The following ZMYM6 variants were observed in gnomAD, a reference collection of about 807,000 sequenced individuals.
ZMYM6 encodes the protein zinc finger MYM-type protein 6.
In ZMYM6, 90 loss-of-function variants were observed where a neutral mutation model predicts 134.0. That is an observed-to-expected ratio of 0.67 (90% CI 0.57 to 0.80). The LOEUF (loss-of-function observed/expected upper bound fraction) is 0.80, where lower values mean the gene tolerates loss of function less well. ZMYM6 is among the 30% of genes least tolerant of loss of function. The pLI is 0.00. For missense variants in ZMYM6, 1,362 were observed against 1,533.9 expected, an observed-to-expected ratio of 0.89 and a Z score of 1.87; for synonymous variants, 481 against 524.1, an observed-to-expected ratio of 0.92 and a Z score of 1.12.
chr1:35,013,694 G>A (rs71648001), intron 6 of ZMYM6: 151,561 of 977,742 alleles, frequency 0.16, 12,608 homozygotes, highest in Non-Finnish European at 0.17. Flanking sequence ...TTTTTTTTTT[G>A]TTTGTTTGTT....
At chr1:35,020,548 T>C in intron 2 of ZMYM6, 81 bp from the exon 3 acceptor site, 2 of 897,616 alleles carry the variant, frequency 2.2e-6, no homozygotes, top group Non-Finnish European at 3.0e-6. Context: ...AAAAAAAAAT[T>C]ATTCTATCCT....
At chr1:35,028,438 G>A (rs12022447) in intron 2 of ZMYM6, among the ~76,000 whole-genome samples, 151,251 of 152,302 alleles carry the variant, frequency 0.99, 75,110 homozygotes, top group East Asian at 1. Flanking sequence ...AGTGTAAAGC[G>A]AAAGAACTGT....
At chr1:35,030,096 C>A in intron 2 of ZMYM6, 1 of 153,986 alleles carries the variant, frequency 6.5e-6, no homozygotes, top group Non-Finnish European at 1.4e-5. Flanking sequence ...ACTTTCCTTC[C>A]ACACACAAAA....
chr1:35,029,512 T>C (rs1163931682), intron 2 of ZMYM6, among the ~76,000 whole-genome samples: 1 of 152,224 alleles, frequency 6.6e-6, no homozygotes, highest in African/African-American at 2.4e-5. Context: ...ATGTCACATA[T>C]GATTATGATA....
intron 14 of ZMYM6, among the ~76,000 whole-genome samples, chr1:34,995,395 T>TAC (rs144736115): frequency 3.6e-4 from 55 of 150,756 alleles, no homozygotes; most frequent in South Asian, 6.3e-4. Flanking sequence ...TATATATATA[T>TAC]ACACACACAC....
chr1:35,010,587 A>C lies in ZMYM6; in HGVS notation c.1352T>G (p.Phe451Cys). The C allele has an allele frequency of 1.2e-6, 2 of 1,611,526 alleles. No homozygotes were observed. The highest frequency in any genetic ancestry group is 1.1e-5 in the South Asian group (1 of 90,406). The stretch of plus-strand genomic sequence containing the variant: ...AGAGCAATTCTTGCCACAAAACAGA[A>C]ACATTTTACCCTGCAGAGAAACAAC... Reference protein sequence around the residue: ...PELLFYKGKMFLFCGKNCSDE... With the variant: ...PELLFYKGKMCLFCGKNCSDE... The change falls in exon 10 of 16, where the codon TTT (phenylalanine) becomes TGT (cysteine). Residue 451 changes from phenylalanine to cysteine, a missense_variant. Physicochemically the swap from Phe to Cys is radical, Grantham distance 205. This residue lies in a region of ZMYM6 where 35 missense variants were observed against 72.2 expected (regional missense o/e 0.48). Transcript: ENST00000357182.
chr1:35,016,000 T>C (rs980163366), intron 4 of ZMYM6, among the ~76,000 whole-genome samples: 6 of 145,418 alleles, frequency 4.1e-5, no homozygotes, highest in African/African-American at 1.0e-4. Context: ...CAGGCTGGAG[T>C]GCAGTGTCAC....
At chr1:34,988,959 G>C (rs1475154278) in intron 15 of ZMYM6, 24 bp from the exon 16 acceptor site, 3 of 1,591,078 alleles carry the variant, frequency 1.9e-6, no homozygotes, top group Non-Finnish European at 2.6e-6. Context: ...TTGAATCACT[G>C]TTATTTTCAA....
intron 6 of ZMYM6, chr1:35,013,121 T>C (rs914407859): frequency 3.5e-6 from 3 of 867,952 alleles, no homozygotes; most frequent in Non-Finnish European, 4.1e-6. Flanking sequence ...ATAGCTACCA[T>C]TTACATAACC....
rs759482028 is a variant in ZMYM6 at position 35,010,505 on chromosome 1, C to T, written c.1434G>A (p.Gln478=). 6.2e-7 allele frequency: 1 copy of T among 1,614,078 alleles called. No homozygotes were observed. Among genetic ancestry groups the T allele is most frequent in the Admixed American group, 1.7e-5 (1 of 59,972 alleles). ...ATCGCACAGTCTCCTTTATAATTTT[C>T]TGCAGTTTACAGTAGTCACACATTG... ...VVAMCDYCKL[Q]KIIKETVRFS... is the part of the protein sequence containing the mutation. The change falls in exon 10 of 16, where the codon CAG becomes CAA. Residue 478 remains glutamine, a synonymous_variant. Coordinates refer to ENST00000357182, the MANE Select transcript of ZMYM6 (RefSeq NM_007167.4).
In ZMYM6 at chr1:35,003,956, A is replaced by G; in HGVS notation, c.1992+12T>C. 3.1e-6 allele frequency: 5 copies of G among 1,610,696 alleles called. No individual in the cohort carries two copies. The highest frequency in any genetic ancestry group is 3.4e-6 in the Non-Finnish European group (4 of 1,177,620). On this transcript the variant is annotated intron_variant, in intron 14 of 15. Coordinates refer to ENST00000357182, the MANE Select transcript of ZMYM6 (RefSeq NM_007167.4). ...TGGCATTATCAAGAAAAGTATTAAC[A>G]ATTAAACTCACATCTTGAATGATCT...
intron 2 of ZMYM6, among the ~76,000 whole-genome samples, chr1:35,028,080 G>A (rs1428982245): frequency 6.6e-6 from 1 of 151,992 alleles, no homozygotes; most frequent in African/African-American, 2.4e-5. Flanking sequence ...TTGAGAAGCC[G>A]AGGTGGGCAG....
chr1:35,009,486 G>A (rs891070398), intron 10 of ZMYM6, among the ~76,000 whole-genome samples: 7 of 152,178 alleles, frequency 4.6e-5, no homozygotes, highest in African/African-American at 1.7e-4. Context: ...AAGCCAAGAA[G>A]CAGCAACTGT....
chr1:35,011,793 T>C, intron 8 of ZMYM6, 97 bp downstream of exon 8: 1 of 864,718 alleles, frequency 1.2e-6, no homozygotes, highest in Non-Finnish European at 1.6e-6. Context: ...TAATTCAAAT[T>C]TAAACTTTCA....
In ZMYM6 at chr1:34,995,012, T is replaced by C. The variant is rs1252498482; in HGVS notation, c.1993-2625A>G. On this transcript the variant is annotated intron_variant, in intron 14 of 15. Coordinates refer to ENST00000357182, the MANE Select transcript of ZMYM6 (RefSeq NM_007167.4). ...CTATATGTATATATGTATACATATA[T>C]ACTTACATACGTATATATATGTAAT... Among the ~76,000 whole-genome samples the C allele has an allele frequency of 3.5e-5, 4 of 113,954 alleles. No homozygotes were observed. In the African/African-American group the frequency reaches 3.6e-4, roughly 10 times the overall value. The allele number at this position is 113,954 out of a possible 152,430, so 74.8% of individuals were successfully genotyped here.
intron 2 of ZMYM6, among the ~76,000 whole-genome samples, chr1:35,026,995 T>C (rs1363331489): frequency 6.6e-6 from 1 of 152,100 alleles, no homozygotes; most frequent in Non-Finnish European, 1.5e-5. Flanking sequence ...TAAAAGTGAT[T>C]GCACTATACA....
Position 35,019,582 on chromosome 1 carries a change from A to G in ZMYM6, c.199T>C (p.Phe67Leu), listed in dbSNP as rs767636517. ...CCAGATGATGCAAAAGAAAGCTGAAAGCCTGGGTTCAACTGCTGGGCTATC... is the reference window on the plus strand; with the variant it reads ...CCAGATGATGCAAAAGAAAGCTGAAGGCCTGGGTTCAACTGCTGGGCTATC... The part of the protein sequence containing the change: ...RPIAQQLNPG[F>L]QLSFASSGPS... Residue 67 changes from phenylalanine to leucine, a missense_variant, in exon 4 of 16, where the codon TTT becomes CTT. Phe to Leu is a conservative substitution (Grantham distance 22). Around this residue, in one of 3 missense-constraint regions of ZMYM6, gnomAD observed 503 missense variants for 520.8 expected, o/e 0.97. Coordinates refer to ENST00000357182, the MANE Select transcript of ZMYM6 (RefSeq NM_007167.4). 8 of 1,600,500 alleles carry G rather than the reference A, an allele frequency of 5.0e-6. No individual in the cohort carries two copies. Among genetic ancestry groups the G allele is most frequent in the Non-Finnish European group, 6.8e-6 (8 of 1,176,616 alleles).
intron 2 of ZMYM6, among the ~76,000 whole-genome samples, chr1:35,023,623 A>ATT (rs1283993901): frequency 7.0e-5 from 10 of 143,128 alleles, no homozygotes; most frequent in Admixed American, 2.8e-4. Flanking sequence ...ATTCAATAAA[A>ATT]TTTTTTTTTT....
intron 2 of ZMYM6, among the ~76,000 whole-genome samples, chr1:35,023,265 G>C (rs1483756648): frequency 6.6e-6 from 1 of 152,108 alleles, no homozygotes; most frequent in Non-Finnish European, 1.5e-5. Flanking sequence ...GCGCCACCAC[G>C]CCTGGCTAAT....
Sources: allele counts gnomAD v4.1 joint callset (sites outside exome capture counted in the v4.1 genomes callset), GRCh38; gene constraint gnomAD v4.1.1; regional missense constraint gnomAD v4.1.1; transcripts MANE v1.5; gene names NCBI Gene and HGNC (gene_info 2026-07-23, HGNC 2026-07-21).